RASGRF1: variants seen among roughly 807,000 people sequenced by gnomAD.
RASGRF1 encodes Ras protein specific guanine nucleotide releasing factor 1.
RASGRF1 carries 40 observed loss-of-function variants against 138.7 expected under a neutral mutation model. That is an observed-to-expected ratio of 0.29 (90% CI 0.22 to 0.38). RASGRF1 has a LOEUF of 0.38. RASGRF1 is among the 10% of genes least tolerant of loss of function. RASGRF1 has a pLI of 1.00. For synonymous variants in RASGRF1, 614 were observed against 663.2 expected, an observed-to-expected ratio of 0.93 and a Z score of 1.14; for missense variants, 1,108 against 1,650.4, an observed-to-expected ratio of 0.67 and a Z score of 5.69.
chr15:78,978,661 G>A (rs1025185425), intron 24 of RASGRF1: 43 of 1,011,652 alleles, frequency 4.3e-5, no homozygotes, highest in African/African-American at 8.6e-5. Flanking sequence ...CTGCCACCTC[G>A]CTACTCTTGC....
intron 1 of RASGRF1, among the ~76,000 whole-genome samples, chr15:79,069,574 A>G (rs1345726080): frequency 6.6e-6 from 1 of 152,204 alleles, no homozygotes; most frequent in East Asian, 1.9e-4. Context: ...GGATGGAGGG[A>G]CTGGGCAGAT....
intron 20 of RASGRF1, among the ~76,000 whole-genome samples, chr15:78,993,080 GT>G (rs2056305777): frequency 2.1e-5 from 3 of 146,042 alleles, no homozygotes; most frequent in African/African-American, 5.0e-5. Context: ...TGTGTGGTGT[GT>G]GGGTGGTGTG....
chr15:79,068,498 C>T (rs199753901), intron 1 of RASGRF1, among the ~76,000 whole-genome samples: 14,559 of 148,036 alleles, frequency 0.098, 811 homozygotes, highest in Non-Finnish European at 0.12. Flanking sequence ...TATATACACA[C>T]ACACACGTAT....
intron 10 of RASGRF1, among the ~76,000 whole-genome samples, chr15:79,024,062 TACAC>T (rs1296166988): frequency 1.4e-5 from 2 of 138,876 alleles, no homozygotes; most frequent in East Asian, 2.2e-4. Flanking sequence ...CACATACACA[TACAC>T]ACACATATAC....
chr15:79,069,980 T>C (rs1337600735), intron 1 of RASGRF1, among the ~76,000 whole-genome samples: 1 of 152,212 alleles, frequency 6.6e-6, no homozygotes, highest in Non-Finnish European at 1.5e-5. Context: ...GAAGTTTCCC[T>C]GCCATGAGCT....
intron 23 of RASGRF1, chr15:78,981,452 CT>C: frequency 6.6e-6 from 1 of 152,266 alleles, no homozygotes. Flanking sequence ...CTTTGCAGCT[CT>C]GTTCCTCAAG....
intron 24 of RASGRF1, chr15:78,979,074 C>T (rs776334049): frequency 7.7e-7 from 1 of 1,290,366 alleles, no homozygotes; most frequent in East Asian, 5.5e-5. Context: ...GAGTGGTGCC[C>T]CGGGGGCGGA....
At chr15:79,020,749 G>A (rs1388804603) in intron 10 of RASGRF1, among the ~76,000 whole-genome samples, 1 of 152,224 alleles carries the variant, frequency 6.6e-6, no homozygotes, top group African/African-American at 2.4e-5. Flanking sequence ...TAACATTGTA[G>A]TGAGAAATAA....
At chr15:79,007,537 C>A (rs979597487) in intron 13 of RASGRF1, among the ~76,000 whole-genome samples, 3 of 127,120 alleles carry the variant, frequency 2.4e-5, no homozygotes, top group African/African-American at 8.5e-5. Flanking sequence ...TGCTGATGGC[C>A]GTATCTAGTT....
chr15:79,090,184 C>T, intron 1 of RASGRF1, 39 bp downstream of exon 1: 2 of 1,547,750 alleles, frequency 1.3e-6, no homozygotes, highest in South Asian at 1.2e-5. Context: ...AGGGCCGCGG[C>T]CGGGACGCAG....
chr15:78,978,215 C>CTTTTCTTTTCTTTTTTTTTTT lies in RASGRF1; in HGVS notation c.3494+2404_3494+2405insAAAAAAAAAAAGAAAAGAAAA, dbSNP rs2055915117. On this transcript the variant is annotated intron_variant, in intron 24 of 26. Coordinates refer to ENST00000558480, the MANE Select transcript of RASGRF1 (RefSeq NM_001145648.3). ...TTTTTCTTCTTTTTCTTTTTCTTTTCTTTTGTTTTTTTTTTTTTTTTTTTT... is the reference window on the plus strand; with the variant it reads ...TTTTTCTTCTTTTTCTTTTTCTTTTCTTTTCTTTTCTTTTTTTTTTTTTTTGTTTTTTTTTTTTTTTTTTTT... Among the ~76,000 whole-genome samples, 4 of 79,336 alleles carry CTTTTCTTTTCTTTTTTTTTTT rather than the reference C, an allele frequency of 5.0e-5. 1 individual carries two copies. Among genetic ancestry groups the CTTTTCTTTTCTTTTTTTTTTT allele is most frequent in the South Asian group, 4.5e-4 (1 of 2,208 alleles). The allele number at this position is 79,336 out of a possible 152,430, so 52.0% of individuals were successfully genotyped here.
At position 79,001,703 on chromosome 15, in the gene RASGRF1, G is replaced by A. The variant is rs1302405893; in HGVS notation, c.2534C>T (p.Ser845Phe). ...TTTGACTGATTTGGGTGTTGTTGGA[G>A]ATTTAGTTGGTGATGTTTCAGTATC... ...DGDTETSPTK[S>F]PTTPKSVKNK... Residue 845 changes from serine to phenylalanine, a missense_variant, in exon 16 of 27, where the codon TCT (serine) becomes TTT (phenylalanine). Around this residue, in one of 3 missense-constraint regions of RASGRF1, gnomAD observed 686 missense variants for 976.7 expected, o/e 0.70. Coordinates refer to ENST00000558480, the MANE Select transcript of RASGRF1 (RefSeq NM_001145648.3). 6.2e-7 allele frequency: 1 copy of A among 1,611,232 alleles called. No homozygotes were observed. The highest frequency in any genetic ancestry group is 2.2e-5 in the East Asian group (1 of 44,868).
At chr15:79,025,533 C>T in intron 9 of RASGRF1, 59 bp from the exon 10 acceptor site, 1 of 1,553,606 alleles carries the variant, frequency 6.4e-7, no homozygotes, top group East Asian at 2.3e-5. Flanking sequence ...TGCCTCTGAC[C>T]CAGCCTTGAA....
intron 14 of RASGRF1, chr15:79,004,983 C>T: frequency 1.0e-6 from 1 of 985,510 alleles, no homozygotes; most frequent in South Asian, 4.7e-5. Context: ...GGCTCTGAAC[C>T]AGCCTCTTTG....
Position 78,984,959 on chromosome 15 carries a change from C to A in RASGRF1, c.3414+48G>T, listed in dbSNP as rs765414874. On this transcript the variant is annotated intron_variant, in intron 23 of 26. Coordinates refer to ENST00000558480, the MANE Select transcript of RASGRF1 (RefSeq NM_001145648.3). ...CAGCCCACGGGTCTTCCTGCCCTAG[C>A]CCCAATCCAGCCCCAGGGAGGCAGT... 3 of 1,582,712 alleles carry A rather than the reference C, an allele frequency of 1.9e-6. No individual in the cohort carries two copies. The African/African-American group carries it at 4.0e-5, about 21-fold the overall frequency.
At chr15:79,005,629 T>C in intron 14 of RASGRF1, 1 of 990,728 alleles carries the variant, frequency 1.0e-6, no homozygotes, top group Non-Finnish European at 1.2e-6. Context: ...CTGCACTCCT[T>C]ATGTTGACTC....
chr15:79,077,648 A>G (rs2057854061), intron 1 of RASGRF1, among the ~76,000 whole-genome samples: 1 of 152,098 alleles, frequency 6.6e-6, no homozygotes, highest in Non-Finnish European at 1.5e-5. Context: ...CATCTTGCAC[A>G]TTATCTTCAG....
At chr15:79,070,027 C>T (rs1439843020) in intron 1 of RASGRF1, among the ~76,000 whole-genome samples, 1 of 152,182 alleles carries the variant, frequency 6.6e-6, no homozygotes, top group African/African-American at 2.4e-5. Context: ...GCCCCCAACC[C>T]AGGATGTCCC....
intron 14 of RASGRF1, chr15:79,005,403 C>G: frequency 1.0e-6 from 1 of 985,292 alleles, no homozygotes; most frequent in Non-Finnish European, 1.2e-6. Flanking sequence ...GGGCAGGGCA[C>G]TCAGAGAGCC....
Sources: allele counts gnomAD v4.1 joint callset (sites outside exome capture counted in the v4.1 genomes callset), GRCh38; gene constraint gnomAD v4.1.1; regional missense constraint gnomAD v4.1.1; transcripts MANE v1.5; gene names NCBI Gene and HGNC (gene_info 2026-07-23, HGNC 2026-07-21).